Variants in ANO10 observed in about 807,000 individuals in gnomAD.
ANO10 encodes anoctamin-10.
Under a neutral mutation model 74.7 loss-of-function variants are expected in ANO10, and 77 were observed. That is an observed-to-expected ratio of 1.03 (90% CI 0.86 to 1.25). ANO10 has a LOEUF of 1.25. ANO10 is among the 50% of genes most tolerant of loss of function. ANO10 has a pLI of 0.00. For missense variants in ANO10, 721 were observed against 778.1 expected (o/e 0.93, Z 0.87); for synonymous variants, 279 against 284.9 (o/e 0.98, Z 0.21).
At chr3:43,646,096 C>G (rs1030510451) in intron 1 of ANO10, among the ~76,000 whole-genome samples, 1 of 152,238 alleles carries the variant, frequency 6.6e-6, no homozygotes, top group Non-Finnish European at 1.5e-5. Flanking sequence ...GCATGAGCCA[C>G]TGCGCCTGGC....
chr3:43,516,890 C>G (rs554881613), intron 11 of ANO10, among the ~76,000 whole-genome samples: 3 of 152,142 alleles, frequency 2.0e-5, no homozygotes, highest in Admixed American at 6.5e-5. Context: ...AGGGGTAGGG[C>G]TCCAGGGAGG....
At chr3:43,481,098 TAG>T (rs1176490723) in intron 11 of ANO10, among the ~76,000 whole-genome samples, 3 of 151,200 alleles carry the variant, frequency 2.0e-5, no homozygotes, top group Middle Eastern at 3.2e-3. Context: ...TATTTTATAG[TAG>T]AGAGTCAATA....
intron 11 of ANO10, among the ~76,000 whole-genome samples, chr3:43,499,142 C>T (rs578102806): frequency 1.1e-4 from 17 of 152,220 alleles, no homozygotes; most frequent in African/African-American, 4.1e-4. Flanking sequence ...TTGTTTTTCA[C>T]GTGTCTTCAA....
chr3:43,556,468 T>C (rs187358166), intron 9 of ANO10, among the ~76,000 whole-genome samples: 131 of 152,322 alleles, frequency 8.6e-4, no homozygotes, highest in African/African-American at 2.8e-3. Flanking sequence ...CCACACTCTG[T>C]GTTTCCATCT....
At chr3:43,400,988 T>C (rs930386044) in intron 12 of ANO10, among the ~76,000 whole-genome samples, 6 of 152,222 alleles carry the variant, frequency 3.9e-5, no homozygotes, top group South Asian at 2.1e-4. Context: ...TCTTTCATGA[T>C]GGACTTTAGT....
chr3:43,429,970 C>T (rs1408404086), intron 12 of ANO10, among the ~76,000 whole-genome samples: 1 of 152,104 alleles, frequency 6.6e-6, no homozygotes, highest in Non-Finnish European at 1.5e-5. Context: ...AAGACTGAAC[C>T]AATTTACACT....
At chr3:43,583,538 C>A (rs1388087562) in intron 4 of ANO10, among the ~76,000 whole-genome samples, 1 of 152,216 alleles carries the variant, frequency 6.6e-6, no homozygotes, top group Non-Finnish European at 1.5e-5. Flanking sequence ...AATACTAACA[C>A]AGTACTGCTT....
At position 43,555,486 on chromosome 3, in the gene ANO10, G is replaced by A. The variant is rs777227266; in HGVS notation, c.1477-17C>T. The A allele has an allele frequency of 1.2e-6, 2 of 1,610,654 alleles. No homozygotes were observed. Among genetic ancestry groups the A allele is most frequent in the East Asian group, 2.2e-5 (1 of 44,826 alleles). On this transcript the variant is annotated splice_polypyrimidine_tract_variant and intron_variant, in intron 9 of 12. Coordinates refer to ENST00000292246, the MANE Select transcript of ANO10 (RefSeq NM_018075.5). ...AAAGGTGCCCTGAAAATATAAACAA[G>A]CATGCATTATTTTAATATCATACAA...
chr3:43,480,588 A>C (rs992380632), intron 11 of ANO10, among the ~76,000 whole-genome samples: 2 of 152,158 alleles, frequency 1.3e-5, no homozygotes, highest in Admixed American at 6.5e-5. Flanking sequence ...ATTCCAAACT[A>C]TCTCTCATGA....
At chr3:43,475,588 GT>G (rs1228502943) in intron 11 of ANO10, among the ~76,000 whole-genome samples, 4 of 151,928 alleles carry the variant, frequency 2.6e-5, no homozygotes, top group Non-Finnish European at 4.4e-5. Flanking sequence ...TGTGGGGGGG[GT>G]TCTTTGTTTT....
chr3:43,420,520 AAAAAG>A (rs1192672558), intron 12 of ANO10, among the ~76,000 whole-genome samples: 2 of 151,654 alleles, frequency 1.3e-5, no homozygotes. Context: ...AAAGAAAAGG[AAAAAG>A]AAAGGAAAGG....
At chr3:43,552,039 T>C (rs1199476420) in intron 10 of ANO10, among the ~76,000 whole-genome samples, 4 of 152,252 alleles carry the variant, frequency 2.6e-5, no homozygotes, top group Non-Finnish European at 4.4e-5. Flanking sequence ...TACTTGAACA[T>C]TTTTCAGAAT....
chr3:43,691,060 G>C (rs1187570405), intron 1 of ANO10: 4 of 1,534,838 alleles, frequency 2.6e-6, no homozygotes, highest in South Asian at 2.4e-5. Context: ...CCGGCAGGGG[G>C]CTTCGTGTGT....
chr3:43,619,997 C>A (rs1311481678), intron 1 of ANO10, among the ~76,000 whole-genome samples: 3 of 152,044 alleles, frequency 2.0e-5, no homozygotes, highest in Non-Finnish European at 4.4e-5. Flanking sequence ...TTATTGTGAG[C>A]TTTTAACCAT....
intron 12 of ANO10, among the ~76,000 whole-genome samples, chr3:43,381,603 A>G (rs1205082441): frequency 6.6e-6 from 1 of 152,226 alleles, no homozygotes; most frequent in Non-Finnish European, 1.5e-5. Flanking sequence ...TGAAATAGAC[A>G]GCAACACGAT....
intron 1 of ANO10, among the ~76,000 whole-genome samples, chr3:43,686,169 C>G (rs2084272308): frequency 6.6e-6 from 1 of 152,202 alleles, no homozygotes; most frequent in Non-Finnish European, 1.5e-5. Flanking sequence ...ATGCCTTACT[C>G]CAGACTTTCA....
intron 12 of ANO10, among the ~76,000 whole-genome samples, chr3:43,418,961 C>A (rs4682887): frequency 0.06 from 9,108 of 152,310 alleles, 357 homozygotes; most frequent in Admixed American, 0.11. Flanking sequence ...GAACTATTAG[C>A]TGTGATAGAG....
At chr3:43,574,495 T>C (rs1253796236) in intron 7 of ANO10, among the ~76,000 whole-genome samples, 1 of 152,146 alleles carries the variant, frequency 6.6e-6, no homozygotes, top group Non-Finnish European at 1.5e-5. Context: ...GGTCTCGAAC[T>C]CTTGATCCAC....
At chr3:43,541,593 T>C (rs753519583) in intron 11 of ANO10, among the ~76,000 whole-genome samples, 10 of 152,214 alleles carry the variant, frequency 6.6e-5, no homozygotes, top group Non-Finnish European at 4.4e-5. Flanking sequence ...TCTTAAGTAA[T>C]TGGCACTAAC....
Sources: gnomAD v4.1 joint callset for allele counts (sites outside exome capture counted in the v4.1 genomes callset) on GRCh38, gnomAD v4.1.1 for gene constraint, MANE v1.5 for transcripts, NCBI Gene and HGNC (gene_info 2026-07-23, HGNC 2026-07-21) for gene names.